ELOVL2: variants seen among roughly 807,000 people sequenced by gnomAD.
ELOVL2 encodes the protein ELOVL fatty acid elongase 2.
Under a neutral mutation model 37.7 loss-of-function variants are expected in ELOVL2, and 38 were observed. The ratio of observed to expected loss-of-function variants is 1.01; its 90% CI spans 0.78 to 1.32. ELOVL2 has a LOEUF of 1.32. Among genes scored for constraint, ELOVL2 ranks in the 40% most tolerant of loss-of-function variants. The pLI, the probability that ELOVL2 is intolerant of heterozygous loss-of-function variation, is 0.00. For missense variants in ELOVL2, 352 were observed against 363.6 expected (o/e 0.97, Z 0.26); for synonymous variants, 115 against 122.3 (o/e 0.94, Z 0.40).
In ELOVL2 at chr6:10,981,723, G is replaced by A. The variant is rs768220353; in HGVS notation, c.*2058C>T. On this transcript the variant is annotated 3_prime_UTR_variant, in exon 8 of 8. Transcript: ENST00000354666. ...GGTATGCTATGCACTGAGACCTTAG[G>A]GCCTCACTGGCACGTAAGAATAAGC... The A allele has an allele frequency of 1.3e-5, 2 of 152,104 alleles. No individual in the cohort carries two copies. Among genetic ancestry groups the A allele is most frequent in the Non-Finnish European group, 2.9e-5 (2 of 68,038 alleles). 9.4% of individuals were successfully genotyped at this position (152,104 alleles called of 1,614,324 possible).
intron 5 of ELOVL2, 24 bp from the exon 6 acceptor site, chr6:10,990,466 C>A: frequency 6.4e-7 from 1 of 1,553,868 alleles, no homozygotes; most frequent in South Asian, 1.3e-5. Context: ...GTATAAAAAT[C>A]ACTATTCTTC....
rs1781974045 is a variant in ELOVL2 at position 10,983,239 on chromosome 6, A to G, written c.*542T>C. The G allele has an allele frequency of 1.3e-5, 2 of 152,220 alleles. No homozygotes were observed. The highest frequency in any genetic ancestry group is 4.1e-4 in the South Asian group (2 of 4,830). 9.4% of individuals were successfully genotyped at this position (152,220 alleles called of 1,614,324 possible). The stretch of plus-strand genomic sequence containing the variant: ...GATAGACAAGACTCTGGCTTACAGA[A>G]AGAGAAGTTTTGCTAGATTTTTCTA... On this transcript the variant is annotated 3_prime_UTR_variant, in exon 8 of 8. Transcript: ENST00000354666.
chr6:11,026,765 C>T (rs1326860076), intron 1 of ELOVL2, among the ~76,000 whole-genome samples: 3 of 152,128 alleles, frequency 2.0e-5, no homozygotes, highest in Admixed American at 6.5e-5. Flanking sequence ...GATTTATTGC[C>T]GTCTGTGGAT....
Position 11,011,416 on chromosome 6 carries a change from T to C in ELOVL2, c.4-607A>G, listed in dbSNP as rs140547412. Reference sequence around the variant, plus strand: ...TGAAGGGTTATTGACCTAAATTCCATTTACCTCTAAAATGCTTATAGGCAA... The same window carrying C: ...TGAAGGGTTATTGACCTAAATTCCACTTACCTCTAAAATGCTTATAGGCAA... On this transcript the variant is annotated intron_variant, in intron 1 of 7. Transcript: ENST00000354666. Among the ~76,000 whole-genome samples, 545 of 151,882 alleles carry C rather than the reference T, an allele frequency of 3.6e-3. 2 individuals are homozygous for C. The highest frequency in any genetic ancestry group is 0.013 in the African/African-American group (520 of 41,396).
chr6:11,014,386 G>A (rs1380520587), intron 1 of ELOVL2, among the ~76,000 whole-genome samples: 1 of 150,840 alleles, frequency 6.6e-6, no homozygotes, highest in Non-Finnish European at 1.5e-5. Flanking sequence ...GGCTGAGGCG[G>A]GAGAATCACT....
intron 3 of ELOVL2, among the ~76,000 whole-genome samples, chr6:11,004,864 A>C (rs183893871): frequency 1.3e-5 from 2 of 152,320 alleles, no homozygotes; most frequent in Non-Finnish European, 2.9e-5. Flanking sequence ...TAGAGACTAA[A>C]GAAATAGGTC....
intron 7 of ELOVL2, among the ~76,000 whole-genome samples, 174 bp from the exon 8 acceptor site, chr6:10,984,080 C>T (rs1324058005): frequency 6.6e-6 from 1 of 152,162 alleles, no homozygotes; most frequent in Non-Finnish European, 1.5e-5. Flanking sequence ...TGCAATGGCA[C>T]GATCCCCGTT....
At chr6:10,986,200 G>A (rs1782049325) in intron 7 of ELOVL2, among the ~76,000 whole-genome samples, 1 of 152,142 alleles carries the variant, frequency 6.6e-6, no homozygotes, top group Non-Finnish European at 1.5e-5. Flanking sequence ...CATTGATTTT[G>A]TATCCTGAGA....
chr6:10,993,934 T>C (rs1000994992), intron 5 of ELOVL2, among the ~76,000 whole-genome samples: 4 of 132,392 alleles, frequency 3.0e-5, no homozygotes, highest in Non-Finnish European at 6.2e-5. Flanking sequence ...CTTTAACTCC[T>C]GAGCTCAAGC....
At chr6:11,021,804 C>T (rs150107764) in intron 1 of ELOVL2, among the ~76,000 whole-genome samples, 370 of 152,270 alleles carry the variant, frequency 2.4e-3, no homozygotes, top group African/African-American at 8.2e-3. Flanking sequence ...CATCTGCACA[C>T]GGTGGCTGGT....
intron 3 of ELOVL2, among the ~76,000 whole-genome samples, chr6:11,002,444 A>G (rs1237008149): frequency 6.6e-6 from 1 of 152,240 alleles, no homozygotes; most frequent in African/African-American, 2.4e-5. Context: ...CCTGACTAGT[A>G]TCTATTAAAC....
rs1368205897 is a variant in ELOVL2 at position 11,000,270 on chromosome 6, G to A, written c.256-106C>T. ...CTGGCATCTGTTCAAGGTTTGAGTAGGAATTTCCCAGAATTTGAGTTTGTC... is the reference window on the plus strand; with the variant it reads ...CTGGCATCTGTTCAAGGTTTGAGTAAGAATTTCCCAGAATTTGAGTTTGTC... On this transcript the variant is annotated intron_variant, in intron 3 of 7. Transcript: ENST00000354666. 5 of 1,033,502 alleles carry A rather than the reference G, an allele frequency of 4.8e-6. No individual in the cohort carries two copies. In the African/African-American group the frequency reaches 7.9e-5, roughly 16 times the overall value. 64.0% of individuals were successfully genotyped at this position (1,033,502 alleles called of 1,614,324 possible).
chr6:11,037,531 C>T (rs1049707947), intron 1 of ELOVL2, among the ~76,000 whole-genome samples: 6 of 130,734 alleles, frequency 4.6e-5, no homozygotes, highest in Non-Finnish European at 7.9e-5. Context: ...ATACTACACT[C>T]GTTCTACTAA....
rs756515301 is a variant in ELOVL2, at chr6:11,010,822, A to C, written c.4-13T>G. On this transcript the variant is annotated splice_polypyrimidine_tract_variant and intron_variant, in intron 1 of 7. Transcript: ENST00000354666. Reference sequence around the variant, plus strand: ...CCTTTAGATGTTCCTAAAAAGAGAAAGAAAAAATGATTTAAGTGTTTTTTT... The same window carrying C: ...CCTTTAGATGTTCCTAAAAAGAGAACGAAAAAATGATTTAAGTGTTTTTTT... 1.3e-6 allele frequency: 2 copies of C among 1,594,064 alleles called. No individual in the cohort carries two copies. Among genetic ancestry groups the C allele is most frequent in the African/African-American group, 2.7e-5 (2 of 73,830 alleles).
chr6:11,015,292 C>T (rs767252661), intron 1 of ELOVL2, among the ~76,000 whole-genome samples: 1 of 152,142 alleles, frequency 6.6e-6, no homozygotes, highest in Non-Finnish European at 1.5e-5. Flanking sequence ...ACCAGCAGAA[C>T]TGCACTACAT....
chr6:11,011,193 T>TC (rs1174798842), intron 1 of ELOVL2, among the ~76,000 whole-genome samples: 2 of 151,776 alleles, frequency 1.3e-5, no homozygotes, highest in African/African-American at 4.8e-5. Flanking sequence ...TGAAACCCCA[T>TC]CTCTACTAAA....
At chr6:11,037,189 AAG>A (rs1465012888) in intron 1 of ELOVL2, among the ~76,000 whole-genome samples, 2 of 149,936 alleles carry the variant, frequency 1.3e-5, no homozygotes, top group African/African-American at 2.5e-5. Flanking sequence ...CAGAGAGGGA[AAG>A]AGAGAGGCAG....
intron 3 of ELOVL2, 71 bp downstream of exon 3, chr6:11,005,301 T>C (rs1782460546): frequency 2.2e-6 from 3 of 1,359,122 alleles, no homozygotes; most frequent in South Asian, 2.7e-5. Flanking sequence ...TCTGCCAGGC[T>C]AGATGTGGTT....
rs941851397 is a variant in ELOVL2, at chr6:10,990,445, A to G, written c.506-3T>C. On this transcript the variant is annotated splice_region_variant and splice_polypyrimidine_tract_variant and intron_variant, in intron 5 of 7. Coordinates refer to ENST00000354666, the MANE Select transcript of ELOVL2 (RefSeq NM_017770.4). The stretch of plus-strand genomic sequence containing the variant: ...GTTCAGTGTTGGTCCAAAGAAACCT[A>G]TAAAAGTACAGTATAAAAATCACTA... The G allele has an allele frequency of 1.3e-6, 2 of 1,583,346 alleles. No individual in the cohort carries two copies. Among genetic ancestry groups the G allele is most frequent in the Non-Finnish European group, 8.5e-7 (1 of 1,170,908 alleles).
Sources: allele counts gnomAD v4.1 joint callset (sites outside exome capture counted in the v4.1 genomes callset), GRCh38; gene constraint gnomAD v4.1.1; transcripts MANE v1.5; gene names NCBI Gene and HGNC (gene_info 2026-07-23, HGNC 2026-07-21).